The following ZNF385D variants were observed in gnomAD, a reference collection of about 807,000 sequenced individuals.
ZNF385D encodes the protein zinc finger protein 385D.
In ZNF385D, 15 loss-of-function variants were observed where a neutral mutation model predicts 35.8. The ratio of observed to expected loss-of-function variants is 0.42; its 90% CI spans 0.28 to 0.64. The LOEUF (loss-of-function observed/expected upper bound fraction) is 0.64. Among genes scored for constraint, ZNF385D ranks in the 30% least tolerant of loss-of-function variants. ZNF385D has a pLI of 0.23. For synonymous variants in ZNF385D, 212 were observed against 186.8 expected (o/e 1.13, Z -1.10); for missense variants, 474 against 494.6 (o/e 0.96, Z 0.39).
At chr3:21,992,677 G>C (rs951502933) in intron 3 of ZNF385D, among the ~76,000 whole-genome samples, 2 of 152,144 alleles carry the variant, frequency 1.3e-5, no homozygotes, top group Admixed American at 6.5e-5. Flanking sequence ...CATGTAATAT[G>C]ATGAGCATGT....
chr3:21,609,023 C>T (rs2125784421), intron 2 of ZNF385D, among the ~76,000 whole-genome samples: 1 of 152,322 alleles, frequency 6.6e-6, no homozygotes, highest in East Asian at 1.9e-4. Flanking sequence ...TGCTGTCCTT[C>T]ATAAATGTAA....
At chr3:22,199,093 C>G (rs556564356) in intron 2 of ZNF385D, among the ~76,000 whole-genome samples, 1 of 152,050 alleles carries the variant, frequency 6.6e-6, no homozygotes, top group Non-Finnish European at 1.5e-5. Flanking sequence ...CTCAGAATCT[C>G]TTAGCTCTGA....
intron 2 of ZNF385D, among the ~76,000 whole-genome samples, chr3:22,229,743 A>AT (rs1038455641): frequency 5.3e-5 from 8 of 151,850 alleles, no homozygotes; most frequent in African/African-American, 1.7e-4. Context: ...TCACTCAAAC[A>AT]TTTTTTTTAG....
chr3:22,102,514 T>C (rs1701992438), intron 3 of ZNF385D, among the ~76,000 whole-genome samples: 1 of 151,938 alleles, frequency 6.6e-6, no homozygotes, highest in Non-Finnish European at 1.5e-5. Context: ...CAAGATTTAA[T>C]CTAAAACCAG....
chr3:21,653,780 A>C (rs902898139), intron 2 of ZNF385D, among the ~76,000 whole-genome samples: 1 of 151,992 alleles, frequency 6.6e-6, no homozygotes, highest in South Asian at 2.1e-4. Flanking sequence ...GGAAAAAAAA[A>C]GGCATTTTCT....
intron 1 of ZNF385D, among the ~76,000 whole-genome samples, chr3:21,666,623 A>G (rs1472510968): frequency 6.6e-6 from 1 of 152,204 alleles, no homozygotes; most frequent in African/African-American, 2.4e-5. Flanking sequence ...TTTATTGTCC[A>G]CTTGGTAGTG....
chr3:21,815,203 T>C (rs2073092884), intron 3 of ZNF385D, among the ~76,000 whole-genome samples: 1 of 152,206 alleles, frequency 6.6e-6, no homozygotes, highest in Non-Finnish European at 1.5e-5. Context: ...GGGGAATTTA[T>C]GGCACTAAAA....
At chr3:21,826,240 T>A (rs1426735434) in intron 3 of ZNF385D, among the ~76,000 whole-genome samples, 1 of 152,094 alleles carries the variant, frequency 6.6e-6, no homozygotes, top group Admixed American at 6.6e-5. Flanking sequence ...GACTACAAAT[T>A]AGAATATGGG....
intron 3 of ZNF385D, among the ~76,000 whole-genome samples, chr3:21,756,721 T>C (rs748767905): frequency 2.0e-5 from 3 of 152,218 alleles, no homozygotes; most frequent in South Asian, 2.1e-4. Flanking sequence ...ATAATAACTT[T>C]TGAATGCATA....
intron 2 of ZNF385D, among the ~76,000 whole-genome samples, chr3:21,576,112 C>G (rs1269495028): frequency 6.6e-6 from 1 of 152,136 alleles, no homozygotes; most frequent in Non-Finnish European, 1.5e-5. Flanking sequence ...ATATTGTCAA[C>G]TAAACAGTGG....
At chr3:21,650,331 G>A (rs531654385) in intron 2 of ZNF385D, among the ~76,000 whole-genome samples, 9 of 152,084 alleles carry the variant, frequency 5.9e-5, no homozygotes, top group Non-Finnish European at 1.0e-4. Flanking sequence ...CCTGTAGTGA[G>A]TATTTTTTTC....
intron 2 of ZNF385D, among the ~76,000 whole-genome samples, chr3:21,642,387 A>T (rs192664988): frequency 2.2e-3 from 340 of 151,994 alleles, no homozygotes; most frequent in South Asian, 0.013. Flanking sequence ...GAGACAAAAA[A>T]CCTCGAGTAT....
At chr3:21,927,215 G>A (rs1044600038) in intron 3 of ZNF385D, among the ~76,000 whole-genome samples, 3 of 152,056 alleles carry the variant, frequency 2.0e-5, no homozygotes, top group Non-Finnish European at 2.9e-5. Flanking sequence ...CTCACCAGAA[G>A]CAAGTGTTGG....
chr3:21,854,225 T>A (rs1696579121), intron 3 of ZNF385D, among the ~76,000 whole-genome samples: 1 of 151,954 alleles, frequency 6.6e-6, no homozygotes, highest in African/African-American at 2.4e-5. Context: ...AAAGGAGAGC[T>A]TTTGAACCGG....
At chr3:22,281,581 A>G (rs1235011114) in intron 2 of ZNF385D, among the ~76,000 whole-genome samples, 1 of 152,102 alleles carries the variant, frequency 6.6e-6, no homozygotes, top group Non-Finnish European at 1.5e-5. Context: ...CATCCCTTGT[A>G]TGAAATCCAC....
intron 2 of ZNF385D, among the ~76,000 whole-genome samples, chr3:22,191,611 G>C (rs916097379): frequency 1.3e-5 from 2 of 151,904 alleles, no homozygotes; most frequent in Admixed American, 1.3e-4. Context: ...TGAACATTCT[G>C]TTCTTACTAA....
At chr3:22,321,164 G>GTTTTTTTTTTTTTTTTTTTTTTTTTTTT in intron 2 of ZNF385D, among the ~76,000 whole-genome samples, 1 of 76,164 alleles carries the variant, frequency 1.3e-5, no homozygotes, top group African/African-American at 5.0e-5. Flanking sequence ...TTATGACCTT[G>GTTTTTTTTTTTTTTTTTTTTTTTTTTTT]TTTTTTTTTT....
chr3:22,186,815 T>A (rs1695665861), intron 2 of ZNF385D, among the ~76,000 whole-genome samples: 1 of 152,202 alleles, frequency 6.6e-6, no homozygotes, highest in Non-Finnish European at 1.5e-5. Context: ...AGATTGCTCA[T>A]AATCAACTGG....
intron 3 of ZNF385D, among the ~76,000 whole-genome samples, chr3:21,794,957 G>A (rs1326318237): frequency 3.9e-5 from 6 of 152,148 alleles, no homozygotes; most frequent in South Asian, 2.1e-4. Context: ...CAAATCATAG[G>A]TGCCTATCTA....
Sources: allele counts gnomAD v4.1 joint callset (sites outside exome capture counted in the v4.1 genomes callset), GRCh38; gene constraint gnomAD v4.1.1; transcripts MANE v1.5; gene names NCBI Gene and HGNC (gene_info 2026-07-23, HGNC 2026-07-21).